Variants in DMRT1 observed in about 807,000 individuals in gnomAD.
DMRT1 encodes doublesex- and mab-3-related transcription factor 1.
Under a neutral mutation model 32.3 loss-of-function variants are expected in DMRT1, and 7 were observed. The observed-to-expected ratio is 0.22, with a 90% CI of 0.12 to 0.41. DMRT1 has a LOEUF of 0.41. Among genes scored for constraint, DMRT1 ranks in the 10% least tolerant of loss-of-function variants. The pLI is 1.00. For missense variants in DMRT1, 625 were observed against 500.5 expected, an observed-to-expected ratio of 1.25 and a Z score of -2.37; for synonymous variants, 278 against 206.1, an observed-to-expected ratio of 1.35 and a Z score of -2.99.
intron 2 of DMRT1, among the ~76,000 whole-genome samples, chr9:859,335 T>G (rs1405269135): frequency 6.6e-6 from 1 of 152,126 alleles, no homozygotes; most frequent in Non-Finnish European, 1.5e-5. Context: ...TAACACCTTA[T>G]GCAGTACACT....
chr9:887,250 A>G (rs1294673498), intron 2 of DMRT1, among the ~76,000 whole-genome samples: 1 of 152,210 alleles, frequency 6.6e-6, no homozygotes, highest in African/African-American at 2.4e-5. Context: ...ATAGAAAAGG[A>G]GATCTGCCAG....
chr9:957,150 A>G (rs567775453), intron 4 of DMRT1, among the ~76,000 whole-genome samples: 140 of 152,270 alleles, frequency 9.2e-4, no homozygotes, highest in Non-Finnish European at 1.7e-3. Flanking sequence ...TCCATACCCA[A>G]TGGAACATCT....
At chr9:860,956 T>C (rs910203536) in intron 2 of DMRT1, among the ~76,000 whole-genome samples, 2 of 152,080 alleles carry the variant, frequency 1.3e-5, no homozygotes, top group Non-Finnish European at 1.5e-5. Context: ...CACAGCTGCC[T>C]GTGTATACCA....
At chr9:924,626 T>C (rs1270415698) in intron 4 of DMRT1, among the ~76,000 whole-genome samples, 2 of 152,192 alleles carry the variant, frequency 1.3e-5, no homozygotes, top group African/African-American at 4.8e-5. Context: ...GTATCATGAT[T>C]CTTGAAATTA....
intron 4 of DMRT1, among the ~76,000 whole-genome samples, chr9:919,002 G>A (rs1368998490): frequency 6.6e-6 from 1 of 152,168 alleles, no homozygotes; most frequent in Non-Finnish European, 1.5e-5. Flanking sequence ...TTCTTTGAGA[G>A]CATGTTAGCC....
In DMRT1 at chr9:922,766, T is replaced by C. The variant is rs117352982; in HGVS notation, c.967+5859T>C. 1.8e-4 allele frequency among the ~76,000 whole-genome samples: 27 copies of C among 152,326 alleles called. No homozygotes were observed. The East Asian group carries it at 5.2e-3, about 29-fold the overall frequency. On this transcript the variant is annotated intron_variant, in intron 4 of 4. Coordinates refer to ENST00000382276, the MANE Select transcript of DMRT1 (RefSeq NM_021951.3). ...TCCTTCACGTCCAAGCTGCACTCTT[T>C]TCAGGAGAAAGAAACATTTAAGGTG...
chr9:888,063 A>G (rs1415303129), intron 2 of DMRT1, among the ~76,000 whole-genome samples: 1 of 152,194 alleles, frequency 6.6e-6, no homozygotes, highest in Non-Finnish European at 1.5e-5. Context: ...TGACTCTGCA[A>G]TGTTTTGTAT....
intron 4 of DMRT1, among the ~76,000 whole-genome samples, chr9:959,856 G>C (rs1350049620): frequency 6.6e-6 from 1 of 152,202 alleles, no homozygotes; most frequent in Admixed American, 6.5e-5. Context: ...ACTTGAGACT[G>C]TCTGCCAGTG....
chr9:909,308 A>G (rs1055762148), intron 3 of DMRT1, among the ~76,000 whole-genome samples: 3 of 152,126 alleles, frequency 2.0e-5, no homozygotes, highest in Non-Finnish European at 4.4e-5. Context: ...ATTTTAGCCT[A>G]TATATTAAAA....
At chr9:868,645 G>A (rs1053657879) in intron 2 of DMRT1, among the ~76,000 whole-genome samples, 2 of 152,198 alleles carry the variant, frequency 1.3e-5, no homozygotes, top group Non-Finnish European at 2.9e-5. Context: ...CGTAGGTAGC[G>A]TTTGAAAGAA....
At chr9:886,261 T>A (rs1296069228) in intron 2 of DMRT1, among the ~76,000 whole-genome samples, 1 of 152,196 alleles carries the variant, frequency 6.6e-6, no homozygotes, top group African/African-American at 2.4e-5. Flanking sequence ...TTTGTTTGTT[T>A]GTTTTTTATT....
chr9:965,504 G>A lies in DMRT1; in HGVS notation c.968-2481G>A, dbSNP rs1819905020. Among the ~76,000 whole-genome samples the A allele has an allele frequency of 6.6e-6, 1 of 152,190 alleles. No homozygotes were observed. The highest frequency in any genetic ancestry group is 2.4e-5 in the African/African-American group (1 of 41,458). ...GAAAATATTCATAAGGCAAGTTAGA[G>A]CAAAAGGGGGATATTGTCAAATTCC... On this transcript the variant is annotated intron_variant, in intron 4 of 4. Transcript: ENST00000382276. This position sits in a 1 kb window ranked among gnomAD's most constrained non-coding sequence, Gnocchi z 4.5.
Position 885,777 on chromosome 9 carries a change from G to C in DMRT1, c.539-8135G>C, listed in dbSNP as rs1028263805. Among the ~76,000 whole-genome samples, 5 of 152,286 alleles carry C rather than the reference G, an allele frequency of 3.3e-5. No homozygotes were observed. The South Asian group carries it at 1.0e-3, about 32-fold the overall frequency. ...GGCTTCTGCAGTGGAGCCTTCGCAA[G>C]GGACCACGCCCACCTCTACCCAGCA... On this transcript the variant is annotated intron_variant, in intron 2 of 4. Coordinates refer to ENST00000382276, the MANE Select transcript of DMRT1 (RefSeq NM_021951.3).
chr9:848,885 T>A (rs546987773), intron 2 of DMRT1, among the ~76,000 whole-genome samples: 1 of 34,992 alleles, frequency 2.9e-5, no homozygotes, highest in South Asian at 7.6e-4. Context: ...AAGGAAGGAG[T>A]GTATCAGAAA....
At chr9:900,579 C>T (rs1169090365) in intron 3 of DMRT1, among the ~76,000 whole-genome samples, 1 of 151,244 alleles carries the variant, frequency 6.6e-6, no homozygotes. Context: ...ACCTGGCTCT[C>T]AGGAGACAGT....
intron 4 of DMRT1, among the ~76,000 whole-genome samples, chr9:921,752 C>G (rs10739184): frequency 0.57 from 86,875 of 152,092 alleles, 26,805 homozygotes; most frequent in South Asian, 0.71. Flanking sequence ...TTGGTGCCAC[C>G]CACCTGTAGT....
chr9:877,461 C>G (rs1589488555), intron 2 of DMRT1, among the ~76,000 whole-genome samples: 1 of 152,250 alleles, frequency 6.6e-6, no homozygotes, highest in South Asian at 2.1e-4. Flanking sequence ...CTTTTCTTTC[C>G]CTGCTATTTA....
At chr9:856,127 G>A (rs181255667) in intron 2 of DMRT1, among the ~76,000 whole-genome samples, 84 of 152,188 alleles carry the variant, frequency 5.5e-4, no homozygotes, top group African/African-American at 1.9e-3. Context: ...ATGTTGGCCA[G>A]GCTGGTCTCG....
chr9:882,679 C>T (rs760856259), intron 2 of DMRT1, among the ~76,000 whole-genome samples: 1 of 151,552 alleles, frequency 6.6e-6, no homozygotes, highest in Non-Finnish European at 1.5e-5. Flanking sequence ...TGCTCAGCCT[C>T]ATGTTTGTAT....
Sources: gnomAD v4.1 joint callset for allele counts (sites outside exome capture counted in the v4.1 genomes callset) on GRCh38, gnomAD v4.1.1 for gene constraint, Gnocchi (gnomAD v3.1) non-coding constraint, MANE v1.5 for transcripts, NCBI Gene and HGNC (gene_info 2026-07-23, HGNC 2026-07-21) for gene names.